The following CALN1 variants were observed in gnomAD, a reference collection of about 807,000 sequenced individuals.
CALN1 encodes the protein calcium-binding protein 8.
In CALN1, 17 loss-of-function variants were observed where a neutral mutation model predicts 30.6. The ratio of observed to expected loss-of-function variants is 0.56; its 90% CI spans 0.38 to 0.83. The LOEUF (loss-of-function observed/expected upper bound fraction) is 0.83, where lower values mean the gene tolerates loss of function less well. CALN1 is among the 40% of genes least tolerant of loss of function. The pLI is 0.00. For synonymous variants in CALN1, 156 were observed against 131.4 expected (o/e 1.19, Z -1.28); for missense variants, 291 against 354.9 (o/e 0.82, Z 1.45).
intron 5 of CALN1, among the ~76,000 whole-genome samples, chr7:71,829,699 C>A (rs997121807): frequency 9.2e-5 from 14 of 152,268 alleles, no homozygotes; most frequent in Admixed American, 2.0e-4. Context: ...AAGTGGGATG[C>A]AGGTGGAGTT....
chr7:71,922,888 T>G (rs1407058280), intron 5 of CALN1, among the ~76,000 whole-genome samples: 2 of 100,386 alleles, frequency 2.0e-5, no homozygotes, highest in Non-Finnish European at 4.1e-5. Flanking sequence ...ACATATATAT[T>G]AATATATATG....
rs868614056 is a variant in CALN1 at position 72,108,167 on chromosome 7, G to C, written c.245-1873C>G. ...TGCCAGAGGCTGCCAGCATTCCTTG[G>C]CTTGCAGCCCCATCACTCCAATCTC... On this transcript the variant is annotated intron_variant, in intron 3 of 6. Coordinates refer to ENST00000395275, the MANE Select transcript of CALN1 (RefSeq NM_031468.4). Among the ~76,000 whole-genome samples, 4 of 152,120 alleles carry C rather than the reference G, an allele frequency of 2.6e-5. No homozygotes were observed. In the South Asian group the frequency reaches 8.3e-4, roughly 32 times the overall value.
intron 2 of CALN1, among the ~76,000 whole-genome samples, chr7:72,354,528 C>T (rs1167203081): frequency 6.6e-6 from 1 of 152,124 alleles, no homozygotes. Context: ...GACTTTCTTT[C>T]CAACTGATTT....
intron 1 of CALN1, among the ~76,000 whole-genome samples, chr7:72,409,679 G>A (rs983360475): frequency 2.0e-5 from 3 of 152,132 alleles, no homozygotes; most frequent in South Asian, 4.2e-4. Context: ...AATGGAGAGG[G>A]ATGAACCTGC....
At chr7:71,876,658 G>A (rs558513869) in intron 5 of CALN1, among the ~76,000 whole-genome samples, 37 of 152,074 alleles carry the variant, frequency 2.4e-4, no homozygotes, top group Non-Finnish European at 4.0e-4. Flanking sequence ...GAATGACCCC[G>A]GGTGTCCTCC....
intron 2 of CALN1, among the ~76,000 whole-genome samples, chr7:72,307,421 GGC>G (rs1799728339): frequency 6.6e-6 from 1 of 152,142 alleles, no homozygotes; most frequent in Non-Finnish European, 1.5e-5. Flanking sequence ...ACCCTACGAA[GGC>G]TGAAGCCCGT....
chr7:72,448,381 T>A (rs377252476), upstream of CALN1, among the ~76,000 whole-genome samples: 21 of 152,250 alleles, frequency 1.4e-4, 2 homozygotes, highest in African/African-American at 4.8e-4. Flanking sequence ...CGAATCTGTG[T>A]CAAGGACAGT....
At chr7:72,470,874 G>A in the CALN1 span, among the ~76,000 whole-genome samples, 1 of 152,152 alleles carries the variant, frequency 6.6e-6, no homozygotes, top group African/African-American at 2.4e-5. Flanking sequence ...CCCGACATAG[G>A]TTGGGTGGTC....
chr7:71,828,462 C>A (rs1405067097), intron 5 of CALN1, among the ~76,000 whole-genome samples: 1 of 151,900 alleles, frequency 6.6e-6, no homozygotes, highest in Non-Finnish European at 1.5e-5. Flanking sequence ...ACCTTGGGAC[C>A]CCAAAATTAC....
chr7:72,230,510 GAA>G (rs542117678), intron 3 of CALN1, among the ~76,000 whole-genome samples: 2 of 131,580 alleles, frequency 1.5e-5, no homozygotes, highest in Non-Finnish European at 1.6e-5. Context: ...CCTGTCTTGA[GAA>G]AAAAAAAAAA....
At chr7:71,923,966 G>A (rs893940462) in intron 5 of CALN1, among the ~76,000 whole-genome samples, 7 of 152,104 alleles carry the variant, frequency 4.6e-5, no homozygotes, top group African/African-American at 1.7e-4. Flanking sequence ...GCCAACATGG[G>A]TGGATCACTT....
chr7:71,922,531 TATTATATATAAATATATAACACACAG>T (rs1267008313), intron 5 of CALN1, among the ~76,000 whole-genome samples: 60 of 138,720 alleles, frequency 4.3e-4, no homozygotes, highest in East Asian at 9.9e-4. Flanking sequence ...ACACAGAATA[TATTATATATAAATATATAACACACAG>T]ATTATATATA....
chr7:72,430,445 G>T (rs1807938219), intron 1 of CALN1, among the ~76,000 whole-genome samples: 1 of 151,920 alleles, frequency 6.6e-6, no homozygotes, highest in African/African-American at 2.4e-5. Context: ...TTACAGGGAG[G>T]TTAATTACTG....
chr7:71,826,355 A>T (rs529897206), intron 5 of CALN1, among the ~76,000 whole-genome samples: 7 of 152,294 alleles, frequency 4.6e-5, no homozygotes, highest in African/African-American at 1.7e-4. Flanking sequence ...CACAGTCTAG[A>T]AGAAATTTTC....
chr7:72,396,116 G>C (rs921192146), intron 2 of CALN1, among the ~76,000 whole-genome samples: 11 of 151,252 alleles, frequency 7.3e-5, no homozygotes, highest in Non-Finnish European at 1.5e-4. Flanking sequence ...AAGGAAGTCA[G>C]GCCGGGCACA....
At chr7:72,492,247 T>A in the CALN1 span, among the ~76,000 whole-genome samples, 1 of 152,216 alleles carries the variant, frequency 6.6e-6, no homozygotes, top group Non-Finnish European at 1.5e-5. Context: ...GAGAATGAAC[T>A]TAAATGTCTA....
chr7:72,151,376 A>C (rs1325455218), intron 3 of CALN1, among the ~76,000 whole-genome samples: 1 of 152,046 alleles, frequency 6.6e-6, no homozygotes, highest in African/African-American at 2.4e-5. Flanking sequence ...CCCCTTTTAT[A>C]AGGACACTAG....
chr7:71,853,542 C>G (rs935583589), intron 5 of CALN1, among the ~76,000 whole-genome samples: 3 of 151,300 alleles, frequency 2.0e-5, no homozygotes, highest in African/African-American at 7.3e-5. Context: ...AATTATTTTT[C>G]CTGTTTAACT....
At chr7:71,792,109 C>T (rs928226176) in intron 6 of CALN1, among the ~76,000 whole-genome samples, 5 of 152,154 alleles carry the variant, frequency 3.3e-5, no homozygotes, top group Admixed American at 6.5e-5. Context: ...GACAGAGCTG[C>T]GACCTGGCAC....
Sources: allele counts gnomAD v4.1 joint callset (sites outside exome capture counted in the v4.1 genomes callset), GRCh38; gene constraint gnomAD v4.1.1; transcripts MANE v1.5; gene names NCBI Gene and HGNC (gene_info 2026-07-23, HGNC 2026-07-21).